Variants in AUTS2 observed in about 807,000 individuals in gnomAD.
The protein encoded by AUTS2 is activator of transcription and developmental regulator AUTS2.
A neutral mutation model predicts 112.4 loss-of-function variants in AUTS2; 17 were observed. The ratio of observed to expected loss-of-function variants is 0.15; its 90% CI spans 0.10 to 0.23. The LOEUF (loss-of-function observed/expected upper bound fraction) is 0.23, where lower values mean the gene tolerates loss of function less well. Ranked by LOEUF, AUTS2 falls within the 10% of genes least tolerant of loss-of-function variation. The pLI, the probability that AUTS2 is intolerant of heterozygous loss-of-function variation, is 1.00. For synonymous variants in AUTS2, 751 were observed against 702.7 expected, an observed-to-expected ratio of 1.07 and a Z score of -1.09; for missense variants, 1,510 against 1,701.6, an observed-to-expected ratio of 0.89 and a Z score of 1.98.
intron 5 of AUTS2, among the ~76,000 whole-genome samples, chr7:70,493,571 A>G (rs1001495807): frequency 6.6e-6 from 1 of 152,196 alleles, no homozygotes; most frequent in African/African-American, 2.4e-5. Context: ...ATCAAGGAAA[A>G]TACTAACTTG....
At chr7:70,789,662 C>T in intron 18 of AUTS2, 86 bp from the exon 19 acceptor site, 2 of 1,490,270 alleles carry the variant, frequency 1.3e-6, no homozygotes, top group South Asian at 1.3e-5. Flanking sequence ...GTCCTCTTCA[C>T]ACCACCATTT....
At chr7:69,699,894 C>T (rs1449557110) in intron 1 of AUTS2, among the ~76,000 whole-genome samples, 1 of 152,142 alleles carries the variant, frequency 6.6e-6, no homozygotes, top group Non-Finnish European at 1.5e-5. Flanking sequence ...ATCTGCCCGC[C>T]TCGGCCTCCC....
chr7:70,431,466 A>G (rs865859763), intron 4 of AUTS2, among the ~76,000 whole-genome samples: 2 of 151,672 alleles, frequency 1.3e-5, no homozygotes, highest in Admixed American at 6.6e-5. Flanking sequence ...GCTCACTACA[A>G]CCTCCGTCTC....
At chr7:70,425,477 T>C (rs893269419) in intron 4 of AUTS2, among the ~76,000 whole-genome samples, 2 of 152,162 alleles carry the variant, frequency 1.3e-5, no homozygotes, top group African/African-American at 4.8e-5. Context: ...AGACATTTTC[T>C]ACTCCAAGAG....
At chr7:70,125,277 G>A (rs959063637) in intron 3 of AUTS2, among the ~76,000 whole-genome samples, 1 of 132,884 alleles carries the variant, frequency 7.5e-6, no homozygotes, top group African/African-American at 2.9e-5. Context: ...GTGTGTGTGT[G>A]TGTGTGTGTT....
intron 1 of AUTS2, among the ~76,000 whole-genome samples, chr7:69,796,346 C>T (rs1003674418): frequency 3.3e-5 from 5 of 152,108 alleles, no homozygotes; most frequent in African/African-American, 1.2e-4. Context: ...AGTGAGACTT[C>T]GTTCTCTACC....
intron 5 of AUTS2, among the ~76,000 whole-genome samples, chr7:70,519,248 C>G (rs79371825): frequency 4.6e-5 from 7 of 152,084 alleles, no homozygotes; most frequent in Admixed American, 2.0e-4. Context: ...AAAGGGAAGA[C>G]TAATAAAGTT....
intron 13 of AUTS2, 83 bp from the exon 14 acceptor site, chr7:70,777,020 A>G (rs935012246): frequency 7.1e-7 from 1 of 1,410,394 alleles, no homozygotes; most frequent in Non-Finnish European, 1.0e-6. Flanking sequence ...TGCAGCCAAA[A>G]TCTGCTGAAA....
At chr7:70,757,692 C>CAT (rs1240605153) in intron 6 of AUTS2, among the ~76,000 whole-genome samples, 1 of 151,298 alleles carries the variant, frequency 6.6e-6, no homozygotes, top group South Asian at 2.1e-4. Context: ...TTTTTTTATG[C>CAT]ATATATACAC....
chr7:70,652,097 CATTT>C (rs1806538817), intron 5 of AUTS2, among the ~76,000 whole-genome samples: 1 of 152,140 alleles, frequency 6.6e-6, no homozygotes, highest in Non-Finnish European at 1.5e-5. Flanking sequence ...CTGCAAGAGC[CATTT>C]ATTTATGAGT....
intron 4 of AUTS2, among the ~76,000 whole-genome samples, chr7:70,235,742 C>A (rs1812292186): frequency 6.6e-6 from 1 of 151,910 alleles, no homozygotes; most frequent in Non-Finnish European, 1.5e-5. Flanking sequence ...ACCTCTGCCT[C>A]CCAGGTTCAA....
At position 70,792,395 on chromosome 7, in the gene AUTS2, C is replaced by A. The variant is rs1216171126; in HGVS notation, c.*1399C>A. On this transcript the variant is annotated 3_prime_UTR_variant, in exon 19 of 19. Transcript: ENST00000342771. ...AGAGAAATACAATATATCTTGTCTA[C>A]TGGACTGTAAAATATATGTATGAAA... 6.6e-6 allele frequency: 1 copy of A among 150,402 alleles called. No homozygotes were observed. The highest frequency in any genetic ancestry group is 2.5e-5 in the African/African-American group (1 of 40,628). The allele number at this position is 150,402 out of a possible 1,614,324, so 9.3% of individuals were successfully genotyped here.
chr7:70,413,922 G>A (rs118084667), intron 4 of AUTS2, among the ~76,000 whole-genome samples: 9,978 of 152,066 alleles, frequency 0.066, 374 homozygotes, highest in African/African-American at 0.11. Context: ...CAATATGCCC[G>A]CCTCGGCCTC....
chr7:69,711,058 T>A (rs1798301825), intron 1 of AUTS2, among the ~76,000 whole-genome samples: 1 of 152,324 alleles, frequency 6.6e-6, no homozygotes, highest in South Asian at 2.1e-4. Context: ...CAGAACGGTA[T>A]GGTGGCTGAG....
chr7:70,318,906 C>T (rs962871265), intron 4 of AUTS2, among the ~76,000 whole-genome samples: 2 of 152,150 alleles, frequency 1.3e-5, no homozygotes, highest in Admixed American at 6.5e-5. Context: ...GAAAAGGCAC[C>T]GTGCCCATTG....
intron 2 of AUTS2, among the ~76,000 whole-genome samples, chr7:70,089,520 G>GT (rs1328224223): frequency 1.3e-5 from 2 of 151,784 alleles, no homozygotes; most frequent in Non-Finnish European, 2.9e-5. Context: ...AAGAGAACTT[G>GT]TTTTGGGGTA....
chr7:70,294,358 T>G (rs973136607), intron 4 of AUTS2: 3 of 152,230 alleles, frequency 2.0e-5, no homozygotes, highest in African/African-American at 7.2e-5. Flanking sequence ...CATATTTATT[T>G]CCCCACTGAG....
Position 70,486,207 on chromosome 7 carries a change from C to T in AUTS2, c.690+50426C>T, listed in dbSNP as rs1442554557. Among the ~76,000 whole-genome samples, 3 of 152,204 alleles carry T rather than the reference C, an allele frequency of 2.0e-5. No individual in the cohort carries two copies. The East Asian group carries it at 5.8e-4, about 29-fold the overall frequency. ...GAAGGAAAGGTGCCACCCCAGTCCT[C>T]CAAGGGCACAGGGCACAGGGGTTAG... On this transcript the variant is annotated intron_variant, in intron 5 of 18. Transcript: ENST00000342771.
chr7:69,948,746 T>C (rs1796911455), intron 2 of AUTS2, among the ~76,000 whole-genome samples: 1 of 151,978 alleles, frequency 6.6e-6, no homozygotes, highest in Non-Finnish European at 1.5e-5. Flanking sequence ...TAATAGCATT[T>C]GAAAAGGAAA....
Sources: allele counts gnomAD v4.1 joint callset (sites outside exome capture counted in the v4.1 genomes callset), GRCh38; gene constraint gnomAD v4.1.1; transcripts MANE v1.5; gene names NCBI Gene and HGNC (gene_info 2026-07-23, HGNC 2026-07-21).